The following ACSS3 variants were observed in gnomAD, a reference collection of about 807,000 sequenced individuals.
ACSS3 encodes the protein acyl-CoA synthetase short chain family member 3.
Under a neutral mutation model 84.2 loss-of-function variants are expected in ACSS3, and 64 were observed. The observed-to-expected ratio is 0.76, with a 90% confidence interval of 0.62 to 0.94. ACSS3 has a LOEUF of 0.94. ACSS3 is among the 40% of genes least tolerant of loss of function. The pLI, the probability that ACSS3 is intolerant of heterozygous loss-of-function variation, is 0.00. For missense variants in ACSS3, 815 were observed against 867.6 expected (o/e 0.94, Z 0.76); for synonymous variants, 317 against 310.1 (o/e 1.02, Z -0.23).
At chr12:81,193,521 G>A (rs925242789) in intron 8 of ACSS3, among the ~76,000 whole-genome samples, 2 of 151,700 alleles carry the variant, frequency 1.3e-5, no homozygotes, top group Non-Finnish European at 2.9e-5. Flanking sequence ...ATTAGGGAAA[G>A]GTGCATAGGT....
At chr12:81,169,469 C>T (rs1887555830) in intron 7 of ACSS3, among the ~76,000 whole-genome samples, 1 of 152,080 alleles carries the variant, frequency 6.6e-6, no homozygotes, top group Admixed American at 6.5e-5. Flanking sequence ...AGATTGTACA[C>T]CCTCTTTTTT....
At chr12:81,095,776 C>T (rs1357051922) in intron 1 of ACSS3, among the ~76,000 whole-genome samples, 1 of 152,076 alleles carries the variant, frequency 6.6e-6, no homozygotes, top group African/African-American at 2.4e-5. Flanking sequence ...CCTTTCATGT[C>T]GAGATGGGAC....
chr12:81,200,969 G>A (rs1302392261), intron 9 of ACSS3, among the ~76,000 whole-genome samples: 1 of 151,178 alleles, frequency 6.6e-6, no homozygotes, highest in African/African-American at 2.4e-5. Context: ...AATATAAAAT[G>A]AATAATCAGA....
At position 81,255,055 on chromosome 12, in the gene ACSS3, C is replaced by G; in HGVS notation, c.*133C>G. 1 of 820,872 alleles carries G rather than the reference C, an allele frequency of 1.2e-6. No individual in the cohort carries two copies. The highest frequency in any genetic ancestry group is 1.8e-6 in the Non-Finnish European group (1 of 555,132). 50.8% of individuals were successfully genotyped at this position (820,872 alleles called of 1,614,324 possible). On this transcript the variant is annotated 3_prime_UTR_variant, in exon 16 of 16. Coordinates refer to ENST00000548058, the MANE Select transcript of ACSS3 (RefSeq NM_024560.4). ...TGAAATGTGAATTGTAAAACTTGGCCTAAACAAATCTAATGAAAACATGTG... is the reference window on the plus strand; with the variant it reads ...TGAAATGTGAATTGTAAAACTTGGCGTAAACAAATCTAATGAAAACATGTG...
intron 1 of ACSS3, among the ~76,000 whole-genome samples, chr12:81,098,631 C>T (rs1593037530): frequency 6.6e-6 from 1 of 152,114 alleles, no homozygotes; most frequent in East Asian, 1.9e-4. Context: ...TGATACAATT[C>T]TTTAAAATTT....
rs556087761 is a variant in ACSS3, at chr12:81,256,577, A to G, written c.*1655A>G. 2.0e-5 allele frequency: 3 copies of G among 152,308 alleles called. No individual in the cohort carries two copies. The highest frequency in any genetic ancestry group is 6.5e-5 in the Admixed American group (1 of 15,278). 9.4% of individuals were successfully genotyped at this position (152,308 alleles called of 1,614,324 possible). A position where few individuals can be genotyped will look rare whatever the true frequency, so the allele number is the denominator to read the frequency against. ...CTCAATCTTTTAATCTATCAGGAAC[A>G]TTACTATCAAGAGCAGATTGTTGTA... On this transcript the variant is annotated 3_prime_UTR_variant, in exon 16 of 16. Coordinates refer to ENST00000548058, the MANE Select transcript of ACSS3 (RefSeq NM_024560.4).
At chr12:81,241,463 G>C (rs1320654943) in intron 13 of ACSS3, among the ~76,000 whole-genome samples, 2 of 152,134 alleles carry the variant, frequency 1.3e-5, no homozygotes, top group Non-Finnish European at 1.5e-5. Context: ...CAGTGTAAAA[G>C]TGTTCCTATT....
In ACSS3 at chr12:81,213,721, C is replaced by T. The variant is rs370545301; in HGVS notation, c.1355-3180C>T. On this transcript the variant is annotated intron_variant, in intron 9 of 15. Transcript: ENST00000548058. ...CCCTCCTCTCCCCTCCGCTCCCCTCCGCTCCCCTCCGCTCCCCTCCGCTCG... is the reference window on the plus strand; with the variant it reads ...CCCTCCTCTCCCCTCCGCTCCCCTCTGCTCCCCTCCGCTCCCCTCCGCTCG... Among the ~76,000 whole-genome samples the T allele has an allele frequency of 4.9e-4, 47 of 96,842 alleles. 1 individual carries two copies. Among genetic ancestry groups the T allele is most frequent in the African/African-American group, 1.8e-3 (44 of 24,798 alleles). The allele number at this position is 96,842 out of a possible 152,430, so 63.5% of individuals were successfully genotyped here.
intron 1 of ACSS3, among the ~76,000 whole-genome samples, chr12:81,106,208 CATT>C (rs1367209485): frequency 6.6e-6 from 1 of 152,170 alleles, no homozygotes; most frequent in Non-Finnish European, 1.5e-5. Flanking sequence ...CCACTGCTCA[CATT>C]ACTGCCTGAG....
At position 81,078,417 on chromosome 12, in the gene ACSS3, G is replaced by A. The variant is rs1379383557; in HGVS notation, c.297G>A (p.Ser99=). The change falls in exon 1 of 16, where the codon TCG becomes TCA. Residue 99 remains serine (S), a synonymous_variant. Transcript: ENST00000548058. ...PWTKTLENKH[S]PSTRWFVEGM... The stretch of plus-strand genomic sequence containing the variant: ...CCAAAACGCTGGAGAACAAACACTC[G>A]CCCTCTACCAGGTGGTGAGTGACTT... The A allele has an allele frequency of 1.2e-6, 2 of 1,612,340 alleles. No individual in the cohort carries two copies.
At chr12:81,162,148 C>T (rs1887184091) in intron 7 of ACSS3, among the ~76,000 whole-genome samples, 1 of 152,148 alleles carries the variant, frequency 6.6e-6, no homozygotes, top group African/African-American at 2.4e-5. Context: ...TGTCCCATGT[C>T]AAGGATGCAT....
chr12:81,196,314 A>G (rs1473156953), intron 8 of ACSS3, among the ~76,000 whole-genome samples: 2 of 152,170 alleles, frequency 1.3e-5, no homozygotes, highest in African/African-American at 2.4e-5. Context: ...TCACGTGGCT[A>G]TTGAGCTCTT....
At chr12:81,186,532 T>C (rs1306152443) in intron 8 of ACSS3, among the ~76,000 whole-genome samples, 1 of 151,648 alleles carries the variant, frequency 6.6e-6, no homozygotes, top group Non-Finnish European at 1.5e-5. Context: ...AATAACCTGA[T>C]CAAAAAATGG....
At chr12:81,101,988 T>C (rs1882545094) in intron 1 of ACSS3, among the ~76,000 whole-genome samples, 2 of 152,002 alleles carry the variant, frequency 1.3e-5, no homozygotes, top group Admixed American at 1.3e-4. Context: ...GTTAAATATG[T>C]TGAAAATATG....
In ACSS3 at chr12:81,078,135, G is replaced by A; in HGVS notation, c.15G>A (p.Trp5Ter). 1 of 1,490,684 alleles carries A rather than the reference G, an allele frequency of 6.7e-7. No individual in the cohort carries two copies. The highest frequency in any genetic ancestry group is 8.9e-7 in the Non-Finnish European group (1 of 1,123,454). The allele number at this position is 1,490,684 out of a possible 1,614,324, so 92.3% of individuals were successfully genotyped here. A position where few individuals can be genotyped will look rare whatever the true frequency, so the allele number is the denominator to read the frequency against. ...GGCCGGAGGAGATGAAACCGTCTTG[G>A]CTGCAGTGTCGTAAAGTCACCAGCG... MKPS[W>*]LQCRKVTSAG... Residue 5 changes from tryptophan to a stop codon, truncating the protein, a stop_gained, in exon 1 of 16, where the codon TGG becomes TGA. Transcript: ENST00000548058. LOFTEE classifies it high-confidence loss of function.
intron 4 of ACSS3, among the ~76,000 whole-genome samples, chr12:81,142,461 T>A (rs1886138565): frequency 6.6e-6 from 1 of 152,244 alleles, no homozygotes; most frequent in South Asian, 2.1e-4. Flanking sequence ...TCTGTTTAAC[T>A]CATGACTCTA....
At position 81,257,250 on chromosome 12, in the gene ACSS3, C is replaced by G. The variant is rs2034334772; in HGVS notation, c.*2328C>G. ...CTGGGGAAGTGGCTATTTCCTGTGT[C>G]TCACTGGGGAATTGCAAGATCAAAG... On this transcript the variant is annotated 3_prime_UTR_variant, in exon 16 of 16. Transcript: ENST00000548058. 6.6e-6 allele frequency: 1 copy of G among 152,000 alleles called. No homozygotes were observed. The highest frequency in any genetic ancestry group is 1.5e-5 in the Non-Finnish European group (1 of 68,020). 9.4% of individuals were successfully genotyped at this position (152,000 alleles called of 1,614,324 possible).
At chr12:81,115,217 T>C (rs1367900568) in intron 2 of ACSS3, among the ~76,000 whole-genome samples, 1 of 152,178 alleles carries the variant, frequency 6.6e-6, no homozygotes, top group Non-Finnish European at 1.5e-5. Context: ...GTTCGTAGGG[T>C]ATGCCCACGT....
chr12:81,174,848 G>A lies in ACSS3; in HGVS notation c.1159G>A (p.Val387Ile). 6.2e-7 allele frequency: 1 copy of A among 1,613,984 alleles called. No homozygotes were observed. The highest frequency in any genetic ancestry group is 8.5e-7 in the Non-Finnish European group (1 of 1,179,950). Residue 387 changes from valine (V) to isoleucine (I), a missense_variant, in exon 8 of 16, where the codon GTA (valine) becomes ATA (isoleucine). Val to Ile is a conservative substitution (Grantham distance 29). Coordinates refer to ENST00000548058, the MANE Select transcript of ACSS3 (RefSeq NM_024560.4). ...AYFRVLAEHG[V>I]AALFTAPTAI... ...TTTCCGTGTGCTTGCAGAGCATGGA[G>A]TAGCTGCCTTGTTTACAGCACCAAC...
Sources: allele counts gnomAD v4.1 joint callset (sites outside exome capture counted in the v4.1 genomes callset), GRCh38; gene constraint gnomAD v4.1.1; transcripts MANE v1.5; gene names NCBI Gene and HGNC (gene_info 2026-07-23, HGNC 2026-07-21).